The following MYL11 variants were observed in gnomAD, a reference collection of about 807,000 sequenced individuals.
The protein encoded by MYL11 is myosin light chain 11, also known as myosin regulatory light chain 11.
chr16:30,375,986 C>G, the MYL11 span: 17 of 1,539,168 alleles, frequency 1.1e-5, no homozygotes, highest in South Asian at 1.9e-4. Flanking sequence ...GAATGTGCAC[C>G]TGCTTGAAGG....
chr16:30,377,745 G>A, the MYL11 span: 1 of 1,593,860 alleles, frequency 6.3e-7, no homozygotes, highest in East Asian at 2.3e-5. Flanking sequence ...AAAGGGGCTG[G>A]GGCCGGGGAG....
chr16:30,373,871 C>G, the MYL11 span, among the ~76,000 whole-genome samples: 1 of 152,134 alleles, frequency 6.6e-6, no homozygotes, highest in Non-Finnish European at 1.5e-5. Context: ...TCTCACCACC[C>G]TCACACTTAC....
At chr16:30,371,918 C>T in the MYL11 span, among the ~76,000 whole-genome samples, 6 of 152,106 alleles carry the variant, frequency 3.9e-5, no homozygotes, top group African/African-American at 1.4e-4. Context: ...TCTCTGACCC[C>T]CATATTCTGA....
At chr16:30,371,774 C>T in the MYL11 span, among the ~76,000 whole-genome samples, 7 of 152,164 alleles carry the variant, frequency 4.6e-5, no homozygotes, top group Non-Finnish European at 1.0e-4. Flanking sequence ...ACTGCCACAT[C>T]CCTCTGTGCT....
the MYL11 span, chr16:30,376,171 T>C: frequency 6.2e-7 from 1 of 1,613,872 alleles, no homozygotes; most frequent in Non-Finnish European, 8.5e-7. Context: ...ACCAGAACCG[T>C]GATGGTATTA....
At chr16:30,374,711 G>C in the MYL11 span, 1 of 971,244 alleles carries the variant, frequency 1.0e-6, no homozygotes, top group African/African-American at 1.7e-5. Flanking sequence ...TTTGGTATCT[G>C]GGGTGGGCAC....
the MYL11 span, chr16:30,377,730 G>A: frequency 7.1e-5 from 113 of 1,588,612 alleles, 1 homozygote; most frequent in South Asian, 1.2e-3. Context: ...CGGGGCCGGA[G>A]CAGCAAAGGG....
the MYL11 span, chr16:30,375,799 T>G: frequency 2.0e-4 from 321 of 1,608,652 alleles, 2 homozygotes; most frequent in African/African-American, 3.8e-3. Context: ...TGGGCCCCTT[T>G]GTTCAACCCT....
chr16:30,377,655 C>G, the MYL11 span: 3 of 1,517,316 alleles, frequency 2.0e-6, no homozygotes, highest in Non-Finnish European at 2.7e-6. Context: ...TCTCTCCAGC[C>G]TGGAGGAGCT....
At chr16:30,373,831 C>T in the MYL11 span, among the ~76,000 whole-genome samples, 1 of 151,894 alleles carries the variant, frequency 6.6e-6, no homozygotes. Context: ...GGAGACCCAC[C>T]TGATCCCTCA....
At chr16:30,371,900 C>T in the MYL11 span, among the ~76,000 whole-genome samples, 5 of 152,248 alleles carry the variant, frequency 3.3e-5, no homozygotes, top group East Asian at 9.7e-4. Flanking sequence ...TCTAAACGCC[C>T]TCTTCTTTCT....
the MYL11 span, among the ~76,000 whole-genome samples, chr16:30,372,594 C>A: frequency 6.6e-6 from 1 of 151,530 alleles, no homozygotes; most frequent in African/African-American, 2.4e-5. Flanking sequence ...TGGCTCTTGG[C>A]CAGAATAAAG....
the MYL11 span, chr16:30,377,775 CG>C: frequency 1.5e-4 from 238 of 1,612,270 alleles, no homozygotes; most frequent in Non-Finnish European, 1.9e-4. Flanking sequence ...CTGTGCGAGA[CG>C]CCCCTACGTC....
the MYL11 span, among the ~76,000 whole-genome samples, chr16:30,375,427 C>T: frequency 5.4e-5 from 8 of 149,528 alleles, no homozygotes; most frequent in African/African-American, 2.0e-4. Flanking sequence ...ATCGCAGCAC[C>T]GCACTCCAGC....
chr16:30,376,118 A>C, the MYL11 span: 2 of 1,608,818 alleles, frequency 1.2e-6, no homozygotes, highest in Non-Finnish European at 1.7e-6. Flanking sequence ...TGGGGGACCT[A>C]ACCCTCCCCA....
the MYL11 span, chr16:30,377,826 G>T: frequency 3.1e-6 from 5 of 1,613,968 alleles, no homozygotes; most frequent in Non-Finnish European, 4.2e-6. Context: ...CTTCCCCCCC[G>T]ACGTGGGCGG....
At chr16:30,377,497 C>A in the MYL11 span, 1 of 637,804 alleles carries the variant, frequency 1.6e-6, no homozygotes, top group Non-Finnish European at 2.4e-6. Flanking sequence ...CAAATGTGGG[C>A]GGAGAGGGCA....
the MYL11 span, among the ~76,000 whole-genome samples, chr16:30,375,153 C>A: frequency 6.6e-6 from 1 of 152,196 alleles, no homozygotes; most frequent in African/African-American, 2.4e-5. Context: ...TAACTCCCAT[C>A]CCATTTTACA....
At chr16:30,377,971 T>G in the MYL11 span, 1 of 1,448,750 alleles carries the variant, frequency 6.9e-7, no homozygotes, top group Non-Finnish European at 9.5e-7. Context: ...CCAATAAAAT[T>G]TAACTGATCT....
Sources: gnomAD v4.1 joint callset for allele counts (sites outside exome capture counted in the v4.1 genomes callset) on GRCh38, gnomAD v4.1.1 for gene constraint, MANE v1.5 for transcripts, NCBI Gene and HGNC (gene_info 2026-07-23, HGNC 2026-07-21) for gene names.